The following PPHLN1 variants were observed in gnomAD, a reference collection of about 807,000 sequenced individuals.
The protein encoded by PPHLN1 is periphilin-1.
PPHLN1 carries 29 observed loss-of-function variants against 51.3 expected under a neutral mutation model. The observed-to-expected ratio is 0.57, with a 90% CI of 0.42 to 0.77. PPHLN1 has a LOEUF of 0.77. PPHLN1 is among the 30% of genes least tolerant of loss of function. The pLI, the probability that PPHLN1 is intolerant of heterozygous loss-of-function variation, is 0.00. For synonymous variants in PPHLN1, 147 were observed against 147.8 expected, an observed-to-expected ratio of 0.99 and a Z score of 0.04; for missense variants, 436 against 438.4, an observed-to-expected ratio of 0.99 and a Z score of 0.05.
chr12:42,337,229 T>G (rs547532082), intron 2 of PPHLN1, among the ~76,000 whole-genome samples: 1 of 152,040 alleles, frequency 6.6e-6, no homozygotes, highest in South Asian at 2.1e-4. Context: ...CAAGGATATA[T>G]CCCATTAGGA....
In PPHLN1 at chr12:42,434,012, G is replaced by T. The variant is rs554825734; in HGVS notation, c.910-7303G>T. 6.4e-4 allele frequency among the ~76,000 whole-genome samples: 98 copies of T among 152,296 alleles called. 1 individual carries two copies. Among genetic ancestry groups the T allele is most frequent in the Non-Finnish European group, 1.0e-3 (71 of 68,024 alleles). ...GAGCTTCTGGGTTGCTGAACAGGTA[G>T]AGCTGCTACAAAGGTGGTATACTCA... is the stretch of plus-strand genomic sequence containing the variant. On this transcript the variant is annotated intron_variant, in intron 9 of 9. Coordinates refer to ENST00000358314, the MANE Select transcript of PPHLN1 (RefSeq NM_201439.2).
At chr12:42,390,866 A>G (rs1382058938) in intron 7 of PPHLN1, among the ~76,000 whole-genome samples, 4 of 123,748 alleles carry the variant, frequency 3.2e-5, no homozygotes, top group African/African-American at 1.3e-4. Flanking sequence ...GGGTCTTGCT[A>G]TGTTGCCCAG....
chr12:42,403,197 A>G (rs762407746), intron 9 of PPHLN1, among the ~76,000 whole-genome samples: 33 of 152,174 alleles, frequency 2.2e-4, no homozygotes, highest in Non-Finnish European at 4.4e-4. Context: ...CAAGTAACCA[A>G]TGTTCTTTAA....
intron 4 of PPHLN1, among the ~76,000 whole-genome samples, chr12:42,370,353 A>G (rs960556778): frequency 6.6e-6 from 1 of 152,240 alleles, no homozygotes; most frequent in Non-Finnish European, 1.5e-5. Flanking sequence ...CCAGAGGATC[A>G]GTAAAACTTT....
At chr12:42,365,504 G>A (rs1459420344) in intron 4 of PPHLN1, among the ~76,000 whole-genome samples, 2 of 152,026 alleles carry the variant, frequency 1.3e-5, no homozygotes, top group Admixed American at 1.3e-4. Context: ...TTCTATCACC[G>A]CTTACCTGGT....
intron 7 of PPHLN1, among the ~76,000 whole-genome samples, chr12:42,389,767 T>C (rs988002286): frequency 6.6e-6 from 1 of 152,158 alleles, no homozygotes; most frequent in African/African-American, 2.4e-5. Context: ...GTGCTTTTAT[T>C]TGGGGAGTTG....
intron 4 of PPHLN1, among the ~76,000 whole-genome samples, chr12:42,372,980 A>G (rs2075939591): frequency 6.6e-6 from 1 of 152,214 alleles, no homozygotes; most frequent in South Asian, 2.1e-4. Context: ...ATTCTTGTAT[A>G]TGTAAAATTT....
chr12:42,429,515 G>T lies in PPHLN1; in HGVS notation c.910-11800G>T, dbSNP rs2081836716. Among the ~76,000 whole-genome samples the T allele has an allele frequency of 1.3e-5, 2 of 152,180 alleles. 1 individual carries two copies. Among genetic ancestry groups the T allele is most frequent in the Non-Finnish European group, 2.9e-5 (2 of 68,028 alleles). On this transcript the variant is annotated intron_variant, in intron 9 of 9. Coordinates refer to ENST00000358314, the MANE Select transcript of PPHLN1 (RefSeq NM_201439.2). ...GCTTAGAACAGTTCACGCTGTCTTA[G>T]TGCTCCCTGCAACTCCCATGATCTT...
At chr12:42,400,763 C>T (rs900999480) in intron 9 of PPHLN1, among the ~76,000 whole-genome samples, 1 of 148,896 alleles carries the variant, frequency 6.7e-6, no homozygotes, top group East Asian at 2.0e-4. Context: ...CCCTGTCTCT[C>T]TCTCTCTCTC....
intron 3 of PPHLN1, among the ~76,000 whole-genome samples, chr12:42,353,767 A>G (rs2073694818): frequency 6.6e-6 from 1 of 152,190 alleles, no homozygotes; most frequent in African/African-American, 2.4e-5. Flanking sequence ...TGAAAATCCT[A>G]TGTGAGTTTT....
At chr12:42,327,466 T>C (rs556661397) in intron 1 of PPHLN1, among the ~76,000 whole-genome samples, 4 of 152,340 alleles carry the variant, frequency 2.6e-5, no homozygotes, top group Admixed American at 2.6e-4. Flanking sequence ...TCCCTCAGTA[T>C]CTTCACAAAG....
chr12:42,372,614 T>C (rs189590314), intron 4 of PPHLN1, among the ~76,000 whole-genome samples: 3 of 152,318 alleles, frequency 2.0e-5, no homozygotes, highest in Admixed American at 2.0e-4. Context: ...TCTCTCTTCA[T>C]GGTAGAGTTT....
intron 4 of PPHLN1, among the ~76,000 whole-genome samples, chr12:42,364,806 A>T (rs1410152918): frequency 6.6e-6 from 1 of 152,164 alleles, no homozygotes; most frequent in Non-Finnish European, 1.5e-5. Context: ...CTGTAATCCC[A>T]GCTGCTCGGA....
chr12:42,357,206 T>C (rs191860964), intron 4 of PPHLN1, among the ~76,000 whole-genome samples: 23 of 152,262 alleles, frequency 1.5e-4, no homozygotes, highest in Non-Finnish European at 8.8e-5. Flanking sequence ...CTCCTCAAAT[T>C]AAGGTGGTAA....
At chr12:42,390,717 T>G (rs1226234681) in intron 7 of PPHLN1, among the ~76,000 whole-genome samples, 1 of 151,848 alleles carries the variant, frequency 6.6e-6, no homozygotes, top group Non-Finnish European at 1.5e-5. Context: ...TGTTAGTGTA[T>G]TCTATGTGTG....
intron 9 of PPHLN1, among the ~76,000 whole-genome samples, chr12:42,427,794 A>T (rs1009766428): frequency 6.6e-6 from 1 of 152,240 alleles, no homozygotes; most frequent in Non-Finnish European, 1.5e-5. Context: ...TTACACAGCA[A>T]AAGGAACAGT....
chr12:42,399,321 T>C, intron 9 of PPHLN1: 1 of 867,450 alleles, frequency 1.2e-6, no homozygotes, highest in East Asian at 1.1e-4. Flanking sequence ...TTAGCAAATG[T>C]TATTTTTGAA....
intron 9 of PPHLN1, among the ~76,000 whole-genome samples, chr12:42,420,056 A>G (rs539489245): frequency 6.6e-6 from 1 of 152,320 alleles, no homozygotes; most frequent in South Asian, 2.1e-4. Context: ...TGCCATCAAA[A>G]AATAGAGTAC....
intron 9 of PPHLN1, among the ~76,000 whole-genome samples, chr12:42,425,169 C>T (rs938908313): frequency 1.3e-5 from 2 of 151,964 alleles, no homozygotes; most frequent in Non-Finnish European, 2.9e-5. Flanking sequence ...CAACCTCCCC[C>T]TCCCAGTTCA....
Sources: allele counts gnomAD v4.1 joint callset (sites outside exome capture counted in the v4.1 genomes callset), GRCh38; gene constraint gnomAD v4.1.1; transcripts MANE v1.5; gene names NCBI Gene and HGNC (gene_info 2026-07-23, HGNC 2026-07-21).